The following VRK2 variants were observed in gnomAD, a reference collection of about 807,000 sequenced individuals.
The protein encoded by VRK2 is VRK serine/threonine kinase 2, also known as serine/threonine-protein kinase VRK2.
A neutral mutation model predicts 57.6 loss-of-function variants in VRK2; 60 were observed. The observed-to-expected ratio is 1.04, with a 90% CI of 0.85 to 1.29. The LOEUF (loss-of-function observed/expected upper bound fraction) is 1.29, where lower values mean the gene tolerates loss of function less well. VRK2 is among the 50% of genes most tolerant of loss of function. The pLI, the probability that VRK2 is intolerant of heterozygous loss-of-function variation, is 0.00. For missense variants in VRK2, 705 were observed against 588.1 expected, an observed-to-expected ratio of 1.20 and a Z score of -2.06; for synonymous variants, 231 against 199.2, an observed-to-expected ratio of 1.16 and a Z score of -1.35.
intron 1 of VRK2, among the ~76,000 whole-genome samples, chr2:58,012,563 G>A (rs555782865): frequency 1.4e-4 from 22 of 152,292 alleles, no homozygotes; most frequent in African/African-American, 4.3e-4. Context: ...CCTCTCCAGA[G>A]TTTGGGGGGA....
intron 2 of VRK2, among the ~76,000 whole-genome samples, chr2:58,078,252 G>T (rs1670403084): frequency 6.6e-6 from 1 of 152,002 alleles, no homozygotes; most frequent in Admixed American, 6.6e-5. Context: ...TATAGTATTT[G>T]TCTTTTTGTG....
intron 12 of VRK2, among the ~76,000 whole-genome samples, chr2:58,156,416 G>GTT (rs1266297702): frequency 6.6e-6 from 1 of 152,060 alleles, no homozygotes; most frequent in Non-Finnish European, 1.5e-5. Context: ...AATTGGAAAG[G>GTT]TTTTGTATGA....
rs180737397 is a variant in VRK2, at chr2:57,984,336, T to G, written c.-438-41329T>G. ...GTACAACTAAATGTATCACTGAAAA[T>G]GAGAGGAAAAAAACCCTCTTAGCAA... On this transcript the variant is annotated intron_variant, in intron 1 of 15. Coordinates refer to the VRK2 transcript ENST00000417641. Among the ~76,000 whole-genome samples, 14 of 151,414 alleles carry G rather than the reference T, an allele frequency of 9.2e-5. No homozygotes were observed. In the East Asian group the frequency reaches 2.5e-3, roughly 27 times the overall value.
intron 1 of VRK2, among the ~76,000 whole-genome samples, chr2:57,942,586 G>C (rs971286683): frequency 6.6e-6 from 1 of 152,212 alleles, no homozygotes; most frequent in South Asian, 2.1e-4. Context: ...ATGTGGGCAC[G>C]TGTGTGCCTG....
At chr2:58,081,862 GT>G (rs1402861913) in intron 2 of VRK2, among the ~76,000 whole-genome samples, 2 of 97,316 alleles carry the variant, frequency 2.1e-5, no homozygotes, top group African/African-American at 2.0e-4. Context: ...ATGTCCGTGT[GT>G]GTGTGTGTGT....
At chr2:58,025,186 C>A (rs2103681919) in intron 1 of VRK2, among the ~76,000 whole-genome samples, 1 of 152,202 alleles carries the variant, frequency 6.6e-6, no homozygotes, top group South Asian at 2.1e-4. Context: ...AGATATGTGA[C>A]CTTAGGCAGA....
intron 1 of VRK2, among the ~76,000 whole-genome samples, chr2:57,942,335 G>C (rs1671125448): frequency 6.6e-6 from 1 of 152,186 alleles, no homozygotes; most frequent in Non-Finnish European, 1.5e-5. Context: ...TGCAGAGGAA[G>C]ACAAAATCAG....
intron 7 of VRK2, among the ~76,000 whole-genome samples, chr2:58,097,951 A>G (rs1342985027): frequency 6.6e-6 from 1 of 152,082 alleles, no homozygotes; most frequent in African/African-American, 2.4e-5. Context: ...AAGGTATTCC[A>G]GAAGATTGTT....
At chr2:58,151,270 G>A (rs936225306) in intron 12 of VRK2, among the ~76,000 whole-genome samples, 20 of 151,612 alleles carry the variant, frequency 1.3e-4, no homozygotes, top group African/African-American at 4.4e-4. Context: ...CTGTTATTAG[G>A]TATATGCAGA....
intron 7 of VRK2, among the ~76,000 whole-genome samples, chr2:58,093,890 C>T (rs1043536119): frequency 1.8e-4 from 28 of 152,152 alleles, no homozygotes; most frequent in Admixed American, 2.0e-4. Flanking sequence ...TATGGCTAGC[C>T]AGTTTTCCCA....
chr2:57,986,819 G>C (rs544982176), intron 1 of VRK2, among the ~76,000 whole-genome samples: 2 of 152,044 alleles, frequency 1.3e-5, no homozygotes, highest in African/African-American at 4.8e-5. Context: ...GGCTGGTCTC[G>C]AACTCCTGAC....
chr2:58,069,965 C>G (rs1174503499), intron 2 of VRK2, among the ~76,000 whole-genome samples: 2 of 151,926 alleles, frequency 1.3e-5, no homozygotes, highest in African/African-American at 2.4e-5. Context: ...CATAATCTAC[C>G]TGCTATTGTA....
upstream of VRK2, among the ~76,000 whole-genome samples, chr2:58,044,402 T>C (rs895463372): frequency 2.0e-5 from 3 of 152,222 alleles, no homozygotes; most frequent in Admixed American, 2.0e-4. Context: ...CATTTATTCA[T>C]TGAAGAAGGA....
chr2:58,153,525 T>C (rs1240853818), intron 12 of VRK2, among the ~76,000 whole-genome samples: 1 of 152,092 alleles, frequency 6.6e-6, no homozygotes, highest in Non-Finnish European at 1.5e-5. Context: ...TGGTTTGTGG[T>C]TGAATATTAA....
chr2:58,049,006 T>G, intron 2 of VRK2, 39 bp downstream of exon 2: 2 of 1,598,192 alleles, frequency 1.3e-6, no homozygotes, highest in South Asian at 2.2e-5. Flanking sequence ...TTCTTATATC[T>G]GTGACTGTAA....
intron 7 of VRK2, among the ~76,000 whole-genome samples, chr2:58,096,170 G>T (rs969750227): frequency 1.3e-5 from 2 of 151,962 alleles, no homozygotes; most frequent in African/African-American, 4.8e-5. Context: ...GTGTAATGTT[G>T]AAGTTCATTA....
intron 2 of VRK2, among the ~76,000 whole-genome samples, chr2:58,066,761 T>C (rs1405181806): frequency 6.6e-6 from 1 of 152,190 alleles, no homozygotes; most frequent in African/African-American, 2.4e-5. Flanking sequence ...TCTTTAGTGG[T>C]TATTTAGGAC....
intron 7 of VRK2, among the ~76,000 whole-genome samples, chr2:58,093,168 A>G (rs861048): frequency 4.6e-5 from 7 of 152,256 alleles, no homozygotes; most frequent in South Asian, 2.1e-4. Context: ...TAATCCTTTG[A>G]GTATATACCC....
At chr2:58,098,999 T>C (rs1673561811) in intron 7 of VRK2, among the ~76,000 whole-genome samples, 1 of 152,068 alleles carries the variant, frequency 6.6e-6, no homozygotes, top group South Asian at 2.1e-4. Context: ...GATTTTGGAA[T>C]ATGATATGGT....
Sources: gnomAD v4.1 joint callset for allele counts (sites outside exome capture counted in the v4.1 genomes callset) on GRCh38, gnomAD v4.1.1 for gene constraint, MANE v1.5 for transcripts, NCBI Gene and HGNC (gene_info 2026-07-23, HGNC 2026-07-21) for gene names.